TTLL5: variants seen among roughly 807,000 people sequenced by gnomAD.
The protein encoded by TTLL5 is tubulin polyglutamylase TTLL5.
A neutral mutation model predicts 168.4 loss-of-function variants in TTLL5; 132 were observed. The observed-to-expected ratio is 0.78, with a 90% CI of 0.68 to 0.91. TTLL5 has a LOEUF of 0.91. Among genes scored for constraint, TTLL5 ranks in the 40% least tolerant of loss-of-function variants. The probability of loss-of-function intolerance (pLI) is 0.00; values close to 1 mark genes in which losing one functional copy is unlikely to be tolerated. For missense variants in TTLL5, 1,545 were observed against 1,581.5 expected, an observed-to-expected ratio of 0.98 and a Z score of 0.39; for synonymous variants, 546 against 558.6, an observed-to-expected ratio of 0.98 and a Z score of 0.32.
intron 20 of TTLL5, among the ~76,000 whole-genome samples, chr14:75,767,056 G>A (rs951619223): frequency 3.3e-5 from 5 of 151,932 alleles, no homozygotes; most frequent in Non-Finnish European, 5.9e-5. Flanking sequence ...CCAGCTACTC[G>A]GGAGGATGAA....
intron 29 of TTLL5, among the ~76,000 whole-genome samples, chr14:75,866,383 G>A (rs952431268): frequency 1.3e-5 from 2 of 152,208 alleles, no homozygotes; most frequent in African/African-American, 2.4e-5. Context: ...TCTCTAAAGT[G>A]TAGGGAGCCA....
At chr14:75,778,826 C>G (rs1429868280) in intron 23 of TTLL5, among the ~76,000 whole-genome samples, 1 of 152,168 alleles carries the variant, frequency 6.6e-6, no homozygotes, top group Non-Finnish European at 1.5e-5. Flanking sequence ...TGTGGCTGTT[C>G]ATAAAGAGCA....
chr14:75,686,730 A>G (rs904674720), intron 5 of TTLL5, among the ~76,000 whole-genome samples: 10 of 152,084 alleles, frequency 6.6e-5, no homozygotes, highest in Admixed American at 2.0e-4. Context: ...TTGCCATGCT[A>G]TGTTTCTCAG....
chr14:75,694,055 A>G (rs1237877372), intron 6 of TTLL5, among the ~76,000 whole-genome samples: 1 of 152,196 alleles, frequency 6.6e-6, no homozygotes, highest in Non-Finnish European at 1.5e-5. Context: ...CTGTTAGACC[A>G]AGCCTGCTGC....
rs1366903492 is a variant in TTLL5, at chr14:75,866,529, TATATC to T, written c.3522+2672_3522+2676del. 5.9e-5 allele frequency among the ~76,000 whole-genome samples: 9 copies of T among 152,362 alleles called. No individual in the cohort carries two copies. In the East Asian group the frequency reaches 1.5e-3, roughly 26 times the overall value. On this transcript the variant is annotated intron_variant, in intron 29 of 31. Transcript: ENST00000298832. The stretch of plus-strand genomic sequence containing the variant: ...GTTAAAGGAGGCCTTATATTTATCT[TATATC>T]ATATTATGTTTATGAACAGCATCTT...
intron 28 of TTLL5, among the ~76,000 whole-genome samples, chr14:75,850,177 C>T (rs552616639): frequency 2.2e-4 from 34 of 151,756 alleles, no homozygotes; most frequent in African/African-American, 7.2e-4. Flanking sequence ...GAGGCCGAGG[C>T]GGGCGGATCA....
chr14:75,661,603 G>A (rs995195009), intron 1 of TTLL5: 3 of 152,370 alleles, frequency 2.0e-5, no homozygotes, highest in African/African-American at 7.2e-5. Context: ...GTGGGGCTGA[G>A]AAGCAGATTC....
chr14:75,868,704 T>C (rs966090551), intron 29 of TTLL5, among the ~76,000 whole-genome samples: 6 of 152,168 alleles, frequency 3.9e-5, no homozygotes, highest in Admixed American at 2.6e-4. Context: ...AACCGAACCA[T>C]GTCTTGTTAT....
chr14:75,703,190 G>T (rs529769123), intron 7 of TTLL5, among the ~76,000 whole-genome samples: 2 of 152,338 alleles, frequency 1.3e-5, no homozygotes, highest in African/African-American at 4.8e-5. Context: ...TAATGTGAGT[G>T]AGTGAGGGAT....
chr14:75,753,370 A>G (rs986109871), intron 18 of TTLL5, among the ~76,000 whole-genome samples: 1 of 152,214 alleles, frequency 6.6e-6, no homozygotes, highest in Non-Finnish European at 1.5e-5. Context: ...TGAAACTTTT[A>G]TAAGAAATGA....
intron 27 of TTLL5, among the ~76,000 whole-genome samples, chr14:75,813,270 TTGTGTGTGTGTGTGTGTGTGTG>T (rs58821426): frequency 9.9e-5 from 13 of 130,726 alleles, no homozygotes; most frequent in African/African-American, 2.3e-4. Context: ...GTGTGTGTGT[TTGTGTGTGTGTGTGTGTGTGTG>T]TGTGTGTGTG....
chr14:75,875,379 T>TAAA (rs528772291), intron 29 of TTLL5, among the ~76,000 whole-genome samples: 1 of 140,692 alleles, frequency 7.1e-6, no homozygotes. Context: ...CCATCTCTAC[T>TAAA]AAAAAAAAAA....
chr14:75,867,657 G>T (rs976007094), intron 29 of TTLL5, among the ~76,000 whole-genome samples: 16 of 151,996 alleles, frequency 1.1e-4, no homozygotes, highest in African/African-American at 3.9e-4. Context: ...CTACTCAGGA[G>T]GCTGAGGTAG....
rs889282318 is a variant in TTLL5 at position 75,719,668 on chromosome 14, CAA to C, written c.843-65_843-64del. ...TTTAAAAAGACAAGAAGGCTATTTG[CAA>C]AGAGTCTTGTTATTATAGCCAAGCC... On this transcript the variant is annotated intron_variant, in intron 10 of 31. Coordinates refer to ENST00000298832, the MANE Select transcript of TTLL5 (RefSeq NM_015072.5). 5.9e-6 allele frequency: 8 copies of C among 1,347,372 alleles called. No individual in the cohort carries two copies. In the East Asian group the frequency reaches 7.9e-5, roughly 13 times the overall value. 83.5% of individuals were successfully genotyped at this position (1,347,372 alleles called of 1,614,324 possible). A position where few individuals can be genotyped will look rare whatever the true frequency, so the allele number is the denominator to read the frequency against.
chr14:75,706,853 A>T (rs1886693814), intron 7 of TTLL5, among the ~76,000 whole-genome samples, 165 bp from the exon 8 acceptor site: 1 of 152,030 alleles, frequency 6.6e-6, no homozygotes, highest in South Asian at 2.1e-4. Context: ...TATAGAAGTG[A>T]TATTATATGG....
In TTLL5 at chr14:75,936,156, C is replaced by T. The variant is rs556335764; in HGVS notation, c.3824-18268C>T. Reference sequence around the variant, plus strand: ...GTAATTTTTACATAGTTTTTTTTTTCACTTAATCATCACAACAATCATATG... The same window carrying T: ...GTAATTTTTACATAGTTTTTTTTTTTACTTAATCATCACAACAATCATATG... On this transcript the variant is annotated intron_variant, in intron 31 of 31. Transcript: ENST00000298832. 6.9e-4 allele frequency among the ~76,000 whole-genome samples: 104 copies of T among 150,918 alleles called. 1 individual carries two copies. The highest frequency in any genetic ancestry group is 2.5e-3 in the African/African-American group (101 of 41,196).
intron 31 of TTLL5, among the ~76,000 whole-genome samples, chr14:75,911,350 G>A (rs2033379489): frequency 6.6e-6 from 1 of 152,010 alleles, no homozygotes; most frequent in Non-Finnish European, 1.5e-5. Flanking sequence ...GCAGTTAGTT[G>A]ATACCAGAGA....
intron 28 of TTLL5, among the ~76,000 whole-genome samples, chr14:75,824,449 T>C (rs1371981052): frequency 1.4e-5 from 2 of 142,500 alleles, no homozygotes; most frequent in Non-Finnish European, 3.1e-5. Flanking sequence ...GGATGAACCT[T>C]GAGGGTCGTA....
rs762887775 is a variant in TTLL5, at chr14:75,782,486, G to C, written c.2516-1G>C. 1.2e-6 allele frequency: 2 copies of C among 1,611,102 alleles called. No individual in the cohort carries two copies. The highest frequency in any genetic ancestry group is 1.7e-6 in the Non-Finnish European group (2 of 1,178,588). On this transcript the variant is annotated splice_acceptor_variant, in intron 24 of 31. Coordinates refer to ENST00000298832, the MANE Select transcript of TTLL5 (RefSeq NM_015072.5). LOFTEE classifies it high-confidence loss of function. ...TCCAAGCTCATTATTTCTTATTTCA[G>C]ATCACCCTGAGACTATAATGGAAGA...
Sources: gnomAD v4.1 joint callset for allele counts (sites outside exome capture counted in the v4.1 genomes callset) on GRCh38, gnomAD v4.1.1 for gene constraint, MANE v1.5 for transcripts, NCBI Gene and HGNC (gene_info 2026-07-23, HGNC 2026-07-21) for gene names.